Variants in METTL15 observed in about 807,000 individuals in gnomAD.
METTL15 encodes 12S rRNA N(4)-cytidine methyltransferase METTL15.
A neutral mutation model predicts 38.3 loss-of-function variants in METTL15; 34 were observed. That is an observed-to-expected ratio of 0.89 (90% confidence interval 0.68 to 1.18). METTL15 has a LOEUF of 1.18. METTL15 is among the 50% of genes most tolerant of loss of function. The pLI is 0.00. For missense variants in METTL15, 438 were observed against 498.4 expected (o/e 0.88, Z 1.15); for synonymous variants, 162 against 170.9 (o/e 0.95, Z 0.41).
intron 6 of METTL15, among the ~76,000 whole-genome samples, chr11:28,431,569 T>A (rs1276167366): frequency 1.5e-5 from 1 of 65,118 alleles, no homozygotes; most frequent in African/African-American, 5.6e-5. Context: ...GTTAAACAGA[T>A]GCTTGAAGGC....
chr11:28,400,231 C>G (rs1234654357), intron 5 of METTL15, among the ~76,000 whole-genome samples: 2 of 122,114 alleles, frequency 1.6e-5, no homozygotes, highest in African/African-American at 2.5e-5. Context: ...AGCAAATTTT[C>G]TCTTTTTTTT....
At chr11:28,328,253 T>C in intron 6 of METTL15, 1 of 1,269,306 alleles carries the variant, frequency 7.9e-7, no homozygotes, top group Non-Finnish European at 1.1e-6. Context: ...CCCTAGTGTC[T>C]AACATTCTCC....
At chr11:28,287,904 T>G (rs1856348440) in intron 4 of METTL15, among the ~76,000 whole-genome samples, 1 of 151,848 alleles carries the variant, frequency 6.6e-6, no homozygotes, top group Admixed American at 6.6e-5. Flanking sequence ...AAAATCTCCT[T>G]CTCACAGCCC....
At chr11:28,293,474 T>G (rs1481899824) in intron 5 of METTL15, among the ~76,000 whole-genome samples, 3 of 135,510 alleles carry the variant, frequency 2.2e-5, no homozygotes, top group Middle Eastern at 3.5e-3. Flanking sequence ...TAGTATAGTT[T>G]GAAGTCAGGT....
At chr11:28,509,315 G>A (rs1275630553) in intron 6 of METTL15, among the ~76,000 whole-genome samples, 4 of 152,146 alleles carry the variant, frequency 2.6e-5, no homozygotes, top group Non-Finnish European at 4.4e-5. Context: ...GAAGCATTTT[G>A]ACAAAATCAT....
At chr11:28,136,440 G>T (rs567749481) in intron 3 of METTL15, among the ~76,000 whole-genome samples, 1 of 152,204 alleles carries the variant, frequency 6.6e-6, no homozygotes, top group East Asian at 1.9e-4. Flanking sequence ...CTCCCCATCC[G>T]TGTGGAACTG....
intron 4 of METTL15, among the ~76,000 whole-genome samples, chr11:28,353,918 C>A (rs1344190232): frequency 2.3e-5 from 3 of 127,694 alleles, no homozygotes; most frequent in African/African-American, 9.2e-5. Flanking sequence ...GGCGACAGAG[C>A]GAGACTCCGT....
chr11:28,313,088 A>G lies in METTL15; in HGVS notation c.778+16157A>G, dbSNP rs1565246679. On this transcript the variant is annotated intron_variant, in intron 6 of 6. Transcript: ENST00000407364. ...AAATAAGTTAGTTTTGGAGTTATACAAAAACCTAGGTTCAGATTCCATCTC... is the reference window on the plus strand; with the variant it reads ...AAATAAGTTAGTTTTGGAGTTATACGAAAACCTAGGTTCAGATTCCATCTC... Among the ~76,000 whole-genome samples, 3 of 152,098 alleles carry G rather than the reference A, an allele frequency of 2.0e-5. No individual in the cohort carries two copies. The South Asian group carries it at 6.2e-4, about 31-fold the overall frequency.
Position 28,113,594 on chromosome 11 carries a change from A to C in METTL15, c.260A>C (p.Gln87Pro). The change falls in exon 3 of 7, where the codon CAA becomes CCA. Residue 87 changes from glutamine to proline, a missense_variant. Gln to Pro is a moderately conservative substitution (Grantham distance 76). Coordinates refer to ENST00000407364, the MANE Select transcript of METTL15 (RefSeq NM_001113528.2). ...VDEVVHCLSP[Q>P]KGQIFLDMTF... ...GAAGTTGTTCATTGTTTGTCACCAC[A>C]AAAAGGACAGGTGAGTTGAATTTTT... The C allele has an allele frequency of 6.2e-7, 1 of 1,609,444 alleles. No homozygotes were observed. The highest frequency in any genetic ancestry group is 1.7e-4 in the Middle Eastern group (1 of 6,044).
intron 6 of METTL15, among the ~76,000 whole-genome samples, chr11:28,302,176 C>T (rs1856936354): frequency 6.6e-6 from 1 of 152,122 alleles, no homozygotes; most frequent in South Asian, 2.1e-4. Flanking sequence ...GGCTCAGCTT[C>T]CTGAGTAGCT....
chr11:28,398,184 C>T (rs982074440), intron 5 of METTL15, among the ~76,000 whole-genome samples: 6 of 151,608 alleles, frequency 4.0e-5, no homozygotes, highest in East Asian at 1.9e-4. Context: ...CAAACCTGCA[C>T]GTTGTGCACA....
At chr11:28,355,333 C>G (rs1850081483) in intron 4 of METTL15, among the ~76,000 whole-genome samples, 1 of 151,994 alleles carries the variant, frequency 6.6e-6, no homozygotes, top group Non-Finnish European at 1.5e-5. Flanking sequence ...AATCCAAGAG[C>G]CTGGGGGAAA....
intron 4 of METTL15, among the ~76,000 whole-genome samples, chr11:28,357,974 A>G (rs2133365933): frequency 6.6e-6 from 1 of 152,228 alleles, no homozygotes; most frequent in Admixed American, 6.5e-5. Context: ...GCAAATGTTA[A>G]CATTATGTGG....
chr11:28,267,963 C>T (rs1204304190), intron 4 of METTL15, among the ~76,000 whole-genome samples: 4 of 151,760 alleles, frequency 2.6e-5, no homozygotes, highest in African/African-American at 7.3e-5. Flanking sequence ...TTTGGGAGGC[C>T]GAGGCGGGTG....
intron 6 of METTL15, among the ~76,000 whole-genome samples, chr11:28,510,477 A>G (rs1851664986): frequency 6.6e-6 from 1 of 152,210 alleles, no homozygotes; most frequent in African/African-American, 2.4e-5. Context: ...GAGTTTGGTC[A>G]TTTGAGTAAA....
chr11:28,192,051 A>G (rs1400192064), intron 3 of METTL15, among the ~76,000 whole-genome samples: 1 of 151,816 alleles, frequency 6.6e-6, no homozygotes, highest in Non-Finnish European at 1.5e-5. Flanking sequence ...TTTTACATCA[A>G]ACATAGGCAA....
intron 4 of METTL15, among the ~76,000 whole-genome samples, chr11:28,225,354 G>A (rs189452926): frequency 7.6e-4 from 116 of 151,924 alleles, no homozygotes; most frequent in Admixed American, 5.7e-3. Context: ...ACGTCTTTAA[G>A]TAGTTTATCT....
intron 3 of METTL15, among the ~76,000 whole-genome samples, chr11:28,199,143 G>A (rs1852014416): frequency 6.6e-6 from 1 of 152,062 alleles, no homozygotes; most frequent in African/African-American, 2.4e-5. Context: ...TGAACCCCAT[G>A]AATTGTATAT....
chr11:28,435,434 C>G (rs78268453), intron 6 of METTL15, among the ~76,000 whole-genome samples: 2,678 of 152,262 alleles, frequency 0.018, 51 homozygotes, highest in African/African-American at 0.051. Context: ...TCCATTTACC[C>G]TACTCTGGAG....
Sources: gnomAD v4.1 joint callset for allele counts (sites outside exome capture counted in the v4.1 genomes callset) on GRCh38, gnomAD v4.1.1 for gene constraint, MANE v1.5 for transcripts, NCBI Gene and HGNC (gene_info 2026-07-23, HGNC 2026-07-21) for gene names.